The following PKNOX2 variants were observed in gnomAD, a reference collection of about 807,000 sequenced individuals.
PKNOX2 encodes the protein PBX/knotted 1 homeobox 2.
Under a neutral mutation model 53.1 loss-of-function variants are expected in PKNOX2, and 14 were observed. The observed-to-expected ratio is 0.26, with a 90% CI of 0.17 to 0.41. The LOEUF is 0.41. Ranked by LOEUF, PKNOX2 falls within the 10% of genes least tolerant of loss-of-function variation. The pLI, the probability that PKNOX2 is intolerant of heterozygous loss-of-function variation, is 1.00. For synonymous variants in PKNOX2, 257 were observed against 242.8 expected, an observed-to-expected ratio of 1.06 and a Z score of -0.54; for missense variants, 496 against 602.8, an observed-to-expected ratio of 0.82 and a Z score of 1.85.
Position 125,333,549 on chromosome 11 carries a change from T to TACACACACACACAC in PKNOX2, c.-23+1643_-23+1656dup, listed in dbSNP as rs57352759. On this transcript the variant is annotated intron_variant, in intron 3 of 12. Coordinates refer to ENST00000298282, the MANE Select transcript of PKNOX2 (RefSeq NM_001382323.2). Reference sequence around the variant, plus strand: ...CTCAGTCCCAAGACACACACACACATACACACACACACACACACACACACA... The same window carrying TACACACACACACAC: ...CTCAGTCCCAAGACACACACACACATACACACACACACACACACACACACACACACACACACACA... Among the ~76,000 whole-genome samples the TACACACACACACAC allele has an allele frequency of 5.7e-3, 805 of 142,320 alleles. 8 individuals are homozygous for TACACACACACACAC. Among genetic ancestry groups the TACACACACACACAC allele is most frequent in the African/African-American group, 0.019 (765 of 39,788 alleles). 93.4% of individuals were successfully genotyped at this position (142,320 alleles called of 152,430 possible).
intron 2 of PKNOX2, among the ~76,000 whole-genome samples, chr11:125,266,193 A>C (rs753061699): frequency 6.6e-6 from 1 of 152,180 alleles, no homozygotes; most frequent in Admixed American, 6.5e-5. Context: ...GCAGAGAGGA[A>C]TTCACCACCT....
intron 1 of PKNOX2, among the ~76,000 whole-genome samples, chr11:125,187,289 ATTGT>A (rs978505653): frequency 6.6e-6 from 1 of 151,920 alleles, no homozygotes; most frequent in Non-Finnish European, 1.5e-5. Flanking sequence ...GAATCTGCAG[ATTGT>A]TTGTTAGATG....
intron 2 of PKNOX2, among the ~76,000 whole-genome samples, chr11:125,246,980 C>T (rs1417177060): frequency 1.3e-5 from 2 of 152,160 alleles, no homozygotes; most frequent in East Asian, 3.8e-4. Context: ...AGTTGCTTAT[C>T]CCAGCCCTTA....
chr11:125,286,619 G>A (rs1946917067), intron 2 of PKNOX2, among the ~76,000 whole-genome samples: 1 of 152,232 alleles, frequency 6.6e-6, no homozygotes, highest in African/African-American at 2.4e-5. Context: ...TGCCAGGCCT[G>A]GTGTCGCCTG....
intron 2 of PKNOX2, among the ~76,000 whole-genome samples, chr11:125,244,414 A>G (rs1259566840): frequency 2.0e-5 from 3 of 150,150 alleles, no homozygotes; most frequent in African/African-American, 7.4e-5. Flanking sequence ...CTTATCCCCA[A>G]CCCTTCCAGA....
intron 1 of PKNOX2, among the ~76,000 whole-genome samples, chr11:125,188,857 C>CA (rs1565464769): frequency 6.7e-6 from 1 of 148,408 alleles, no homozygotes; most frequent in Non-Finnish European, 1.5e-5. Flanking sequence ...CATGCGCCGC[C>CA]TTTTTTTTTT....
At chr11:125,234,210 G>A (rs193144610) in intron 1 of PKNOX2, among the ~76,000 whole-genome samples, 7 of 152,346 alleles carry the variant, frequency 4.6e-5, no homozygotes, top group Middle Eastern at 3.4e-3. Flanking sequence ...TCTCTGTGGA[G>A]AGAAAATAGG....
chr11:125,368,956 C>T (rs567036400), intron 5 of PKNOX2, among the ~76,000 whole-genome samples: 2 of 152,290 alleles, frequency 1.3e-5, no homozygotes, highest in African/African-American at 2.4e-5. Context: ...AAGTGTGGCT[C>T]GCCTCTGGCT....
intron 2 of PKNOX2, among the ~76,000 whole-genome samples, chr11:125,269,294 G>A (rs1235130574): frequency 6.6e-6 from 1 of 151,910 alleles, no homozygotes; most frequent in Non-Finnish European, 1.5e-5. Flanking sequence ...GAGACCGCAG[G>A]TATTCATCAT....
intron 2 of PKNOX2, among the ~76,000 whole-genome samples, chr11:125,317,013 A>G (rs964502016): frequency 5.3e-5 from 8 of 152,238 alleles, no homozygotes; most frequent in Non-Finnish European, 1.0e-4. Flanking sequence ...GTGATATTCT[A>G]AATCCCTTGT....
chr11:125,279,872 T>C (rs996955042), intron 2 of PKNOX2, among the ~76,000 whole-genome samples: 5 of 152,190 alleles, frequency 3.3e-5, no homozygotes, highest in Admixed American at 1.3e-4. Flanking sequence ...CTTGACTAAA[T>C]CAAACAATGC....
At chr11:125,253,352 T>C (rs1258922876) in intron 2 of PKNOX2, among the ~76,000 whole-genome samples, 1 of 152,064 alleles carries the variant, frequency 6.6e-6, no homozygotes, top group Middle Eastern at 3.2e-3. Flanking sequence ...CTACTGGGCC[T>C]CCCCTGTGGC....
intron 6 of PKNOX2, among the ~76,000 whole-genome samples, chr11:125,390,123 A>C (rs1591553205): frequency 1.3e-5 from 2 of 152,244 alleles, no homozygotes; most frequent in African/African-American, 4.8e-5. Context: ...GGAAATGGGA[A>C]TCCTCAACGC....
chr11:125,312,961 G>A (rs1178917363), intron 2 of PKNOX2, among the ~76,000 whole-genome samples: 1 of 152,326 alleles, frequency 6.6e-6, no homozygotes, highest in African/African-American at 2.4e-5. Context: ...GAAGGCCTTC[G>A]CTCGCATGCC....
intron 1 of PKNOX2, among the ~76,000 whole-genome samples, chr11:125,203,455 T>A (rs763602742): frequency 2.6e-5 from 4 of 152,244 alleles, no homozygotes; most frequent in Non-Finnish European, 4.4e-5. Flanking sequence ...CAATTACAAG[T>A]GGCTCCGCTT....
At chr11:125,220,971 T>C (rs1366462923) in intron 1 of PKNOX2, among the ~76,000 whole-genome samples, 2 of 152,034 alleles carry the variant, frequency 1.3e-5, no homozygotes, top group Non-Finnish European at 2.9e-5. Flanking sequence ...CTGGCCCACA[T>C]AGTGAAACCC....
intron 3 of PKNOX2, among the ~76,000 whole-genome samples, chr11:125,334,869 G>C (rs1208656428): frequency 6.6e-6 from 1 of 152,012 alleles, no homozygotes; most frequent in Non-Finnish European, 1.5e-5. Flanking sequence ...CTCCCAAAGT[G>C]CTGTGATTAC....
At position 125,166,779 on chromosome 11, in the gene PKNOX2, G is replaced by T. The variant is rs539546593; in HGVS notation, c.-201+2003G>T. On this transcript the variant is annotated intron_variant, in intron 1 of 12. Coordinates refer to ENST00000298282, the MANE Select transcript of PKNOX2 (RefSeq NM_001382323.2). This position sits in a 1 kb window ranked among gnomAD's most constrained non-coding sequence, Gnocchi z 4.0. ...CACAAACCCGGCCTTTGGTGCGCCC[G>T]GGGGAGGAGGAAGCTTGGAGTGCCC... Among the ~76,000 whole-genome samples, 3 of 152,218 alleles carry T rather than the reference G, an allele frequency of 2.0e-5. No homozygotes were observed. Among genetic ancestry groups the T allele is most frequent in the Admixed American group, 6.5e-5 (1 of 15,288 alleles).
intron 2 of PKNOX2, among the ~76,000 whole-genome samples, chr11:125,322,056 C>T (rs1949542593): frequency 1.3e-5 from 2 of 152,116 alleles, no homozygotes; most frequent in Admixed American, 1.3e-4. Flanking sequence ...ATCAGGTTTC[C>T]ATGCAAGTTT....
Sources: allele counts gnomAD v4.1 joint callset (sites outside exome capture counted in the v4.1 genomes callset), GRCh38; gene constraint gnomAD v4.1.1; non-coding constraint Gnocchi (gnomAD v3.1); transcripts MANE v1.5; gene names NCBI Gene and HGNC (gene_info 2026-07-23, HGNC 2026-07-21).